Variants in AK9 observed in about 807,000 individuals in gnomAD.
AK9 encodes the protein adenylate kinase 9.
Under a neutral mutation model 239.6 loss-of-function variants are expected in AK9, and 191 were observed. The ratio of observed to expected loss-of-function variants is 0.80; its 90% CI spans 0.71 to 0.90. The LOEUF is 0.90. Ranked by LOEUF, AK9 falls within the 40% of genes least tolerant of loss-of-function variation. AK9 has a pLI of 0.00. For synonymous variants in AK9, 689 were observed against 721.0 expected, an observed-to-expected ratio of 0.96 and a Z score of 0.71; for missense variants, 1,995 against 2,214.7, an observed-to-expected ratio of 0.90 and a Z score of 1.99.
chr6:109,543,650 G>A (rs972678396), intron 26 of AK9, among the ~76,000 whole-genome samples: 15 of 152,036 alleles, frequency 9.9e-5, no homozygotes, highest in Admixed American at 2.0e-4. Flanking sequence ...GTTTCACCAC[G>A]TTGGCCAGGC....
chr6:109,576,964 G>A (rs1378782538), intron 20 of AK9, among the ~76,000 whole-genome samples: 1 of 151,806 alleles, frequency 6.6e-6, no homozygotes, highest in Non-Finnish European at 1.5e-5. Flanking sequence ...CTGAGTAGCT[G>A]GGACTACAGG....
chr6:109,685,038 C>CA (rs148960266), intron 1 of AK9, among the ~76,000 whole-genome samples: 43,596 of 151,758 alleles, frequency 0.29, 6,742 homozygotes, highest in Non-Finnish European at 0.34. Flanking sequence ...GATACCATCT[C>CA]ACACCAGTTA....
Position 109,632,412 on chromosome 6 carries a change from CT to C in AK9, c.1254+510del, listed in dbSNP as rs1298381339. 5.5e-6 allele frequency: 4 copies of C among 724,314 alleles called. No homozygotes were observed. In the African/African-American group the frequency reaches 7.7e-5, roughly 14 times the overall value. The allele number at this position is 724,314 out of a possible 1,614,324, so 44.9% of individuals were successfully genotyped here. ...GTCTTCAAATTATATCCCAAATATG[CT>C]TGTTTCATACCACTTTTACTGCTAT... On this transcript the variant is annotated intron_variant, in intron 12 of 40. Coordinates refer to ENST00000424296, the MANE Select transcript of AK9 (RefSeq NM_001145128.3).
intron 13 of AK9, among the ~76,000 whole-genome samples, chr6:109,615,922 C>A (rs998724830): frequency 2.0e-4 from 15 of 73,874 alleles, no homozygotes; most frequent in Admixed American, 3.4e-4. Context: ...AATAAACAAA[C>A]AAAAGTAAAA....
intron 8 of AK9, among the ~76,000 whole-genome samples, chr6:109,650,740 G>A (rs376941245): frequency 6.6e-5 from 10 of 152,198 alleles, no homozygotes; most frequent in South Asian, 4.1e-4. Flanking sequence ...GGTATATACC[G>A]AAAGGATTAT....
rs1302876183 is a variant in AK9 at position 109,597,280 on chromosome 6, CCTCA to C, written c.1843-11212_1843-11209del. Among the ~76,000 whole-genome samples, 8 of 152,080 alleles carry C rather than the reference CCTCA, an allele frequency of 5.3e-5. No individual in the cohort carries two copies. In the East Asian group the frequency reaches 1.2e-3, roughly 22 times the overall value. ...TTTGAAAGTGACTCTATCAGTACAG[CCTCA>C]CTATTACCAATTGTCAAAAACTTTG... is the stretch of plus-strand genomic sequence containing the variant. On this transcript the variant is annotated intron_variant, in intron 17 of 40. Coordinates refer to ENST00000424296, the MANE Select transcript of AK9 (RefSeq NM_001145128.3).
chr6:109,589,484 A>C (rs977606871), intron 17 of AK9, among the ~76,000 whole-genome samples: 5 of 152,122 alleles, frequency 3.3e-5, no homozygotes, highest in Non-Finnish European at 4.4e-5. Context: ...AGGAATCTTT[A>C]GGGTTTTCTA....
intron 8 of AK9, among the ~76,000 whole-genome samples, chr6:109,649,243 G>A (rs1230755918): frequency 1.3e-5 from 2 of 151,984 alleles, no homozygotes; most frequent in Admixed American, 1.3e-4. Context: ...TCTGGCCAGG[G>A]CAATCAGGCA....
intron 12 of AK9, 76 bp from the exon 13 acceptor site, chr6:109,619,312 G>T (rs1053632680): frequency 2.2e-5 from 30 of 1,367,512 alleles, no homozygotes; most frequent in East Asian, 5.5e-5. Context: ...ATCTATCTAT[G>T]TATATCTATC....
chr6:109,541,111 TC>T (rs1782822240), intron 27 of AK9, among the ~76,000 whole-genome samples: 1 of 152,226 alleles, frequency 6.6e-6, no homozygotes, highest in Non-Finnish European at 1.5e-5. Flanking sequence ...TCTGTAATTC[TC>T]CCTTAGTTCA....
intron 1 of AK9, among the ~76,000 whole-genome samples, chr6:109,685,791 C>T (rs1332512479): frequency 6.6e-6 from 1 of 152,118 alleles, no homozygotes; most frequent in Non-Finnish European, 1.5e-5. Flanking sequence ...GGTCCTCCAC[C>T]CCTGGGCAAG....
At chr6:109,666,440 C>T (rs1410987517) in intron 5 of AK9, among the ~76,000 whole-genome samples, 1 of 152,220 alleles carries the variant, frequency 6.6e-6, no homozygotes, top group Admixed American at 6.5e-5. Context: ...AGCCCTTGCC[C>T]TTCCATGCTA....
chr6:109,523,947 T>A (rs1212104551), intron 29 of AK9, among the ~76,000 whole-genome samples: 1 of 152,132 alleles, frequency 6.6e-6, no homozygotes, highest in Non-Finnish European at 1.5e-5. Flanking sequence ...CCCCACAATA[T>A]AACATTTACA....
chr6:109,496,080 A>G (rs1184102916), intron 38 of AK9, among the ~76,000 whole-genome samples: 1 of 152,214 alleles, frequency 6.6e-6, no homozygotes, highest in Non-Finnish European at 1.5e-5. Flanking sequence ...ACTTCTTCAA[A>G]CAGTGGCTTC....
At chr6:109,574,973 C>A (rs563174243) in intron 20 of AK9, among the ~76,000 whole-genome samples, 1 of 152,266 alleles carries the variant, frequency 6.6e-6, no homozygotes, top group Admixed American at 6.5e-5. Flanking sequence ...GTTTTCTATT[C>A]CTGAGTTACC....
intron 21 of AK9, among the ~76,000 whole-genome samples, chr6:109,570,607 A>G (rs1023332460): frequency 1.3e-5 from 2 of 152,154 alleles, no homozygotes; most frequent in Admixed American, 6.6e-5. Context: ...GGAGAGAGGC[A>G]ATAAGGTGGA....
At chr6:109,582,914 A>G (rs557717651) in intron 19 of AK9, among the ~76,000 whole-genome samples, 2 of 152,306 alleles carry the variant, frequency 1.3e-5, no homozygotes, top group Admixed American at 1.3e-4. Flanking sequence ...GTCAGCAGCC[A>G]ACAACACTGA....
chr6:109,493,233 A>G lies in AK9; in HGVS notation c.*136T>C. 1.2e-6 allele frequency: 1 copy of G among 823,470 alleles called. No individual in the cohort carries two copies. Among genetic ancestry groups the G allele is most frequent in the South Asian group, 1.8e-5 (1 of 57,134 alleles). 51.0% of individuals were successfully genotyped at this position (823,470 alleles called of 1,614,324 possible). ...CTGGCAGACCTTTGAGTTCACCTGA[A>G]GTCTGGCAGCCATGGTACCTTGCTC... On this transcript the variant is annotated 3_prime_UTR_variant, in exon 41 of 41. Coordinates refer to ENST00000424296, the MANE Select transcript of AK9 (RefSeq NM_001145128.3).
intron 25 of AK9, among the ~76,000 whole-genome samples, chr6:109,548,664 T>A (rs1279631252): frequency 6.6e-6 from 1 of 152,204 alleles, no homozygotes; most frequent in Non-Finnish European, 1.5e-5. Flanking sequence ...GTTGGCTCAG[T>A]GTACAATTTT....
Sources: allele counts gnomAD v4.1 joint callset (sites outside exome capture counted in the v4.1 genomes callset), GRCh38; gene constraint gnomAD v4.1.1; transcripts MANE v1.5; gene names NCBI Gene and HGNC (gene_info 2026-07-23, HGNC 2026-07-21).